Variants in PCDH9 observed in about 807,000 individuals in gnomAD.
PCDH9 encodes the protein protocadherin-9.
A neutral mutation model predicts 70.6 loss-of-function variants in PCDH9; 24 were observed. The observed-to-expected ratio is 0.34, with a 90% CI of 0.25 to 0.48. The LOEUF (loss-of-function observed/expected upper bound fraction) is 0.48. Ranked by LOEUF, PCDH9 falls within the 20% of genes least tolerant of loss-of-function variation. The pLI is 0.99. For synonymous variants in PCDH9, 562 were observed against 558.5 expected, an observed-to-expected ratio of 1.01 and a Z score of -0.09; for missense variants, 1,281 against 1,503.6, an observed-to-expected ratio of 0.85 and a Z score of 2.45.
At chr13:66,723,883 G>A (rs940619097) in intron 3 of PCDH9, among the ~76,000 whole-genome samples, 11 of 152,144 alleles carry the variant, frequency 7.2e-5, no homozygotes, top group African/African-American at 2.4e-4. Flanking sequence ...TTTAAAAGTC[G>A]CATTGTGCCA....
chr13:66,855,037 A>G (rs1373783592), intron 3 of PCDH9, among the ~76,000 whole-genome samples: 1 of 152,084 alleles, frequency 6.6e-6, no homozygotes, highest in Non-Finnish European at 1.5e-5. Context: ...TCCTTTCTAA[A>G]TGGAAATCTA....
At chr13:66,463,286 G>T (rs887940442) in intron 4 of PCDH9, among the ~76,000 whole-genome samples, 6 of 151,814 alleles carry the variant, frequency 4.0e-5, no homozygotes, top group Non-Finnish European at 8.8e-5. Context: ...GCTCTTGAGA[G>T]TCAAAGGTCT....
intron 2 of PCDH9, among the ~76,000 whole-genome samples, chr13:66,951,116 G>C (rs1035020936): frequency 6.6e-6 from 1 of 152,170 alleles, no homozygotes; most frequent in Non-Finnish European, 1.5e-5. Flanking sequence ...CTCTAACACA[G>C]TGCCGCGTAC....
At chr13:66,438,308 A>AT (rs1366138164) in intron 4 of PCDH9, among the ~76,000 whole-genome samples, 1 of 152,078 alleles carries the variant, frequency 6.6e-6, no homozygotes, top group African/African-American at 2.4e-5. Flanking sequence ...GATTAATAAA[A>AT]TTTTTCTTTT....
chr13:66,793,122 T>C (rs2080187679), intron 3 of PCDH9, among the ~76,000 whole-genome samples: 1 of 151,412 alleles, frequency 6.6e-6, no homozygotes, highest in African/African-American at 2.4e-5. Flanking sequence ...TATATATATA[T>C]ATAAAGATAT....
chr13:66,458,710 A>T (rs1958365650), intron 4 of PCDH9, among the ~76,000 whole-genome samples: 1 of 152,026 alleles, frequency 6.6e-6, no homozygotes, highest in African/African-American at 2.4e-5. Context: ...TATTACCTAG[A>T]AGACAAATGG....
intron 3 of PCDH9, among the ~76,000 whole-genome samples, chr13:66,648,704 A>C (rs574540607): frequency 6.6e-6 from 1 of 152,120 alleles, no homozygotes; most frequent in East Asian, 1.9e-4. Context: ...CATCCAAGAA[A>C]ATCTCACCTC....
intron 4 of PCDH9, among the ~76,000 whole-genome samples, chr13:66,371,759 C>T (rs952116266): frequency 1.3e-5 from 2 of 151,984 alleles, no homozygotes; most frequent in African/African-American, 4.8e-5. Context: ...TACTAAACGC[C>T]GAATGAAACA....
At chr13:66,433,822 T>C (rs2597825) in intron 4 of PCDH9, among the ~76,000 whole-genome samples, 147,665 of 151,934 alleles carry the variant, frequency 0.97, 71,797 homozygotes, top group Non-Finnish European at 0.98. Flanking sequence ...ATAAATATAA[T>C]ATTAAACCAT....
intron 3 of PCDH9, among the ~76,000 whole-genome samples, chr13:66,787,324 A>C (rs1025890342): frequency 1.3e-4 from 20 of 152,108 alleles, no homozygotes; most frequent in Admixed American, 2.0e-4. Flanking sequence ...TTAAGATAAC[A>C]CTGAATCTGG....
chr13:66,972,713 A>AT (rs1397567429), intron 2 of PCDH9, among the ~76,000 whole-genome samples: 1 of 151,892 alleles, frequency 6.6e-6, no homozygotes, highest in African/African-American at 2.4e-5. Context: ...TATCACATTT[A>AT]TTTTTTCACA....
intron 3 of PCDH9, among the ~76,000 whole-genome samples, chr13:66,663,203 C>A (rs1244351441): frequency 6.6e-6 from 1 of 152,080 alleles, no homozygotes; most frequent in Non-Finnish European, 1.5e-5. Context: ...GGGAAGATTT[C>A]TCATTTATTC....
intron 4 of PCDH9, among the ~76,000 whole-genome samples, chr13:66,413,480 A>T (rs1418340715): frequency 1.3e-5 from 2 of 152,032 alleles, no homozygotes; most frequent in Non-Finnish European, 2.9e-5. Context: ...AGGTCAGGAG[A>T]TCGAGACCAT....
At chr13:66,598,567 A>G (rs1376898635) in intron 4 of PCDH9, among the ~76,000 whole-genome samples, 1 of 151,828 alleles carries the variant, frequency 6.6e-6, no homozygotes, top group Non-Finnish European at 1.5e-5. Context: ...TTAGTTTAAT[A>G]AAGAGCAAAA....
At chr13:66,828,909 A>G (rs576019602) in intron 3 of PCDH9, among the ~76,000 whole-genome samples, 30 of 152,150 alleles carry the variant, frequency 2.0e-4, no homozygotes, top group Non-Finnish European at 4.4e-5. Context: ...CTTCTGCCAC[A>G]CTCAGATTCA....
chr13:67,185,332 A>G (rs1394584435), intron 2 of PCDH9, among the ~76,000 whole-genome samples: 1 of 152,196 alleles, frequency 6.6e-6, no homozygotes, highest in African/African-American at 2.4e-5. Flanking sequence ...GGAAATAGCA[A>G]CTTCAAAATT....
chr13:66,670,595 CT>C (rs571026113), intron 3 of PCDH9, among the ~76,000 whole-genome samples: 32 of 152,024 alleles, frequency 2.1e-4, no homozygotes, highest in African/African-American at 7.7e-4. Context: ...ATGATTGGTA[CT>C]CAGTTAAATG....
At chr13:66,635,245 T>TGA (rs1315790018) in intron 3 of PCDH9, among the ~76,000 whole-genome samples, 1 of 152,180 alleles carries the variant, frequency 6.6e-6, no homozygotes, top group African/African-American at 2.4e-5. Flanking sequence ...GGAAATATTT[T>TGA]TATTATTATT....
intron 2 of PCDH9, among the ~76,000 whole-genome samples, chr13:67,018,583 C>T (rs993403538): frequency 2.1e-5 from 3 of 141,992 alleles, no homozygotes; most frequent in Admixed American, 7.4e-5. Flanking sequence ...TGTGCCACTG[C>T]ACTTCAGCCT....
Sources: gnomAD v4.1 joint callset for allele counts (sites outside exome capture counted in the v4.1 genomes callset) on GRCh38, gnomAD v4.1.1 for gene constraint, MANE v1.5 for transcripts, NCBI Gene and HGNC (gene_info 2026-07-23, HGNC 2026-07-21) for gene names.